RNGTT: variants seen among roughly 807,000 people sequenced by gnomAD.
The protein encoded by RNGTT is mRNA-capping enzyme.
A neutral mutation model predicts 79.3 loss-of-function variants in RNGTT; 33 were observed. That is an observed-to-expected ratio of 0.42 (90% CI 0.32 to 0.56). The LOEUF (loss-of-function observed/expected upper bound fraction) is 0.56. RNGTT is among the 20% of genes least tolerant of loss of function. RNGTT has a pLI of 0.17. For missense variants in RNGTT, 497 were observed against 739.1 expected, an observed-to-expected ratio of 0.67 and a Z score of 3.80; for synonymous variants, 222 against 235.9, an observed-to-expected ratio of 0.94 and a Z score of 0.54.
intron 13 of RNGTT, among the ~76,000 whole-genome samples, chr6:88,752,009 A>C (rs1005119610): frequency 4.6e-5 from 7 of 151,862 alleles, no homozygotes; most frequent in Admixed American, 6.6e-5. Flanking sequence ...CCTCTTCCAT[A>C]CCCTCCCCCC....
At chr6:88,891,538 A>T (rs1783048437) in intron 7 of RNGTT, among the ~76,000 whole-genome samples, 1 of 152,162 alleles carries the variant, frequency 6.6e-6, no homozygotes, top group Non-Finnish European at 1.5e-5. Flanking sequence ...TCAAACATTA[A>T]TCAGTAGCAG....
chr6:88,645,682 C>T (rs1022858062), intron 14 of RNGTT, among the ~76,000 whole-genome samples: 5 of 152,042 alleles, frequency 3.3e-5, no homozygotes, highest in Non-Finnish European at 7.4e-5. Context: ...CAGAACAGAG[C>T]CCTCAGAAAT....
chr6:88,766,419 A>G (rs1227635337), intron 13 of RNGTT, among the ~76,000 whole-genome samples: 1 of 152,142 alleles, frequency 6.6e-6, no homozygotes, highest in Non-Finnish European at 1.5e-5. Flanking sequence ...ATATAAAGCC[A>G]TCATGTTTTT....
rs111960737 is a variant in RNGTT, at chr6:88,849,053, G to A, written c.1104+702C>T. ...TCAGTGTCAAGAAGTAAAGGAGACA[G>A]AACTTCCCTACTCACAAAGAAACAA... On this transcript the variant is annotated intron_variant, in intron 10 of 15. Transcript: ENST00000369485. 5.1e-3 allele frequency among the ~76,000 whole-genome samples: 778 copies of A among 152,076 alleles called. 4 individuals are homozygous for A. The highest frequency in any genetic ancestry group is 0.018 in the African/African-American group (734 of 41,524).
At chr6:88,660,345 A>G (rs1485334841) in intron 14 of RNGTT, among the ~76,000 whole-genome samples, 1 of 152,160 alleles carries the variant, frequency 6.6e-6, no homozygotes, top group African/African-American at 2.4e-5. Flanking sequence ...TGCTCCACTT[A>G]AAAGATACAG....
chr6:88,809,047 A>T (rs1216702585), intron 11 of RNGTT, among the ~76,000 whole-genome samples: 4 of 152,118 alleles, frequency 2.6e-5, no homozygotes, highest in African/African-American at 9.7e-5. Flanking sequence ...CAGAGATGGA[A>T]AAAGATGTCA....
At chr6:88,681,412 TTC>T (rs1334130249) in intron 13 of RNGTT, among the ~76,000 whole-genome samples, 6 of 152,294 alleles carry the variant, frequency 3.9e-5, no homozygotes, top group African/African-American at 1.4e-4. Context: ...ATTCATATAC[TTC>T]TTTCTTATTC....
chr6:88,667,121 G>A (rs1774443755), intron 14 of RNGTT, among the ~76,000 whole-genome samples: 1 of 152,216 alleles, frequency 6.6e-6, no homozygotes, highest in Non-Finnish European at 1.5e-5. Context: ...TCGCAGAGCA[G>A]CATCCACTCC....
intron 1 of RNGTT, among the ~76,000 whole-genome samples, chr6:88,954,605 T>C (rs1166916621): frequency 2.6e-5 from 4 of 151,958 alleles, no homozygotes; most frequent in Non-Finnish European, 4.4e-5. Flanking sequence ...AAAAAAAGAA[T>C]AGAGTTAAAT....
At chr6:88,726,829 T>C (rs775275850) in intron 13 of RNGTT, among the ~76,000 whole-genome samples, 20 of 152,182 alleles carry the variant, frequency 1.3e-4, no homozygotes, top group Non-Finnish European at 2.5e-4. Context: ...CAAAGAATAA[T>C]TGAAATCCCA....
intron 2 of RNGTT, among the ~76,000 whole-genome samples, chr6:88,935,240 T>C (rs1784629919): frequency 6.6e-6 from 1 of 152,212 alleles, no homozygotes; most frequent in Non-Finnish European, 1.5e-5. Context: ...TGGCTGTAAA[T>C]GCATGCATTT....
intron 8 of RNGTT, among the ~76,000 whole-genome samples, chr6:88,861,159 A>C (rs931208804): frequency 6.6e-6 from 1 of 152,122 alleles, no homozygotes; most frequent in Non-Finnish European, 1.5e-5. Context: ...TTTTATTCCC[A>C]ATAGAATTGG....
At chr6:88,725,623 G>A (rs560543619) in intron 13 of RNGTT, among the ~76,000 whole-genome samples, 182 of 152,146 alleles carry the variant, frequency 1.2e-3, no homozygotes, top group Non-Finnish European at 1.8e-3. Context: ...TGGGGGGCGG[G>A]GTGTTGAACC....
At chr6:88,768,901 T>A (rs1778555782) in intron 13 of RNGTT, among the ~76,000 whole-genome samples, 1 of 152,154 alleles carries the variant, frequency 6.6e-6, no homozygotes, top group Non-Finnish European at 1.5e-5. Flanking sequence ...TAACACTTAA[T>A]AGACATTATA....
chr6:88,731,513 T>C (rs962408649), intron 13 of RNGTT, among the ~76,000 whole-genome samples: 2 of 152,122 alleles, frequency 1.3e-5, no homozygotes, highest in Non-Finnish European at 2.9e-5. Context: ...AATGGATAGA[T>C]AGTATGCAAG....
chr6:88,909,497 C>G (rs1357872054), intron 4 of RNGTT, among the ~76,000 whole-genome samples: 1 of 152,138 alleles, frequency 6.6e-6, no homozygotes, highest in Non-Finnish European at 1.5e-5. Flanking sequence ...TGGTAGGTCC[C>G]TAAGGAGTTT....
intron 8 of RNGTT, among the ~76,000 whole-genome samples, chr6:88,875,198 AAT>A (rs1269723670): frequency 1.3e-5 from 2 of 152,002 alleles, no homozygotes; most frequent in Admixed American, 6.6e-5. Context: ...AAAAAAAAAT[AAT>A]AGAGTTTTTC....
At chr6:88,732,347 T>G (rs1025373702) in intron 13 of RNGTT, among the ~76,000 whole-genome samples, 6 of 152,258 alleles carry the variant, frequency 3.9e-5, no homozygotes, top group East Asian at 3.9e-4. Flanking sequence ...TTACACCCAT[T>G]AGGATGGCTA....
chr6:88,940,388 A>G lies in RNGTT; in HGVS notation c.174+683T>C, dbSNP rs897651856. Among the ~76,000 whole-genome samples the G allele has an allele frequency of 4.6e-5, 7 of 152,254 alleles. No homozygotes were observed. The South Asian group carries it at 1.5e-3, about 32-fold the overall frequency. ...GCCATGGCACCCAGCCCCAGTCCCA[A>G]TTTTTGGAATTAGCTTTTGGAGGGA... On this transcript the variant is annotated intron_variant, in intron 2 of 15. Coordinates refer to ENST00000369485, the MANE Select transcript of RNGTT (RefSeq NM_003800.5).
Sources: allele counts gnomAD v4.1 joint callset (sites outside exome capture counted in the v4.1 genomes callset), GRCh38; gene constraint gnomAD v4.1.1; transcripts MANE v1.5; gene names NCBI Gene and HGNC (gene_info 2026-07-23, HGNC 2026-07-21).